The following CUL3 variants were observed in gnomAD, a reference collection of about 807,000 sequenced individuals.
The protein encoded by CUL3 is cullin 3.
A neutral mutation model predicts 89.1 loss-of-function variants in CUL3; 19 were observed. The observed-to-expected ratio is 0.21, with a 90% CI of 0.15 to 0.31. CUL3 has a LOEUF of 0.31. CUL3 is among the 10% of genes least tolerant of loss of function. The probability of loss-of-function intolerance (pLI) is 1.00; values close to 1 mark genes in which losing one functional copy is unlikely to be tolerated. For missense variants in CUL3, 469 were observed against 942.3 expected (o/e 0.50, Z 6.58); for synonymous variants, 351 against 308.4 (o/e 1.14, Z -1.45).
At chr2:224,479,868 C>G (rs1691468559) in intron 14 of CUL3, 1 of 152,178 alleles carries the variant, frequency 6.6e-6, no homozygotes. Flanking sequence ...ATCCCTTTGG[C>G]TCATCTGGAT....
intron 3 of CUL3, among the ~76,000 whole-genome samples, chr2:224,522,278 G>C (rs1693295913): frequency 6.6e-6 from 1 of 152,006 alleles, no homozygotes; most frequent in Non-Finnish European, 1.5e-5. Context: ...TAAATGAGCA[G>C]AAAAGTAGTA....
At chr2:224,569,956 CAAAA>C (rs71062948) in intron 1 of CUL3, 4 of 59,492 alleles carry the variant, frequency 6.7e-5, no homozygotes, top group Admixed American at 4.0e-4. Context: ...GCTCCAGTCT[CAAAA>C]AAAAAAAAAA....
intron 12 of CUL3, 66 bp from the exon 13 acceptor site, chr2:224,496,032 T>C (rs1347722561): frequency 3.4e-5 from 51 of 1,484,068 alleles, no homozygotes; most frequent in Admixed American, 7.0e-5. Context: ...AATGTATGTA[T>C]GTACGTACAT....
chr2:224,481,383 C>T (rs1052217993), intron 14 of CUL3, among the ~76,000 whole-genome samples: 5 of 145,578 alleles, frequency 3.4e-5, no homozygotes, highest in African/African-American at 1.0e-4. Flanking sequence ...TTTTCATTAT[C>T]GACTTATATG....
Position 224,503,745 on chromosome 2 carries a change from A to T in CUL3, c.1284T>A (p.Phe428Leu), listed in dbSNP as rs1339235783. ...LFRFMQEKDVFERYYKQHLAR... is the reference protein window; with the variant it reads ...LFRFMQEKDVLERYYKQHLAR... ...CCAAGTGTTGTTTATAATAACGTTC[A>T]AATACATCTTTTTCTTGCATAAACC... Residue 428 changes from phenylalanine (F) to leucine (L), a missense_variant, in exon 9 of 16, where the codon TTT becomes TTA. By Grantham distance (22) the Phe-to-Leu change is conservative. Coordinates refer to ENST00000264414, the MANE Select transcript of CUL3 (RefSeq NM_003590.5). The T allele has an allele frequency of 6.2e-7, 1 of 1,609,220 alleles. No individual in the cohort carries two copies. Among genetic ancestry groups the T allele is most frequent in the South Asian group, 1.1e-5 (1 of 89,630 alleles).
chr2:224,486,123 G>A (rs1438892998), intron 13 of CUL3, among the ~76,000 whole-genome samples: 1 of 152,200 alleles, frequency 6.6e-6, no homozygotes, highest in Non-Finnish European at 1.5e-5. Context: ...CAGCATCAAA[G>A]ATCAAAGGTA....
intron 1 of CUL3, among the ~76,000 whole-genome samples, chr2:224,561,058 C>T (rs1266188729): frequency 6.6e-6 from 1 of 152,130 alleles, no homozygotes; most frequent in Admixed American, 6.5e-5. Context: ...TTTAAATGCC[C>T]ACCTTATTTA....
intron 2 of CUL3, among the ~76,000 whole-genome samples, chr2:224,552,688 G>C (rs1208259898): frequency 1.3e-5 from 2 of 152,118 alleles, no homozygotes; most frequent in African/African-American, 4.8e-5. Flanking sequence ...CTCAATCCAT[G>C]TAAAAATTAT....
intron 3 of CUL3, among the ~76,000 whole-genome samples, chr2:224,519,103 G>GA (rs1221562526): frequency 2.0e-5 from 3 of 152,312 alleles, no homozygotes; most frequent in African/African-American, 7.2e-5. Flanking sequence ...TCCAAACTCT[G>GA]AAACTCTGAG....
intron 7 of CUL3, among the ~76,000 whole-genome samples, 176 bp from the exon 8 acceptor site, chr2:224,506,308 AAT>A (rs1318581733): frequency 6.6e-6 from 1 of 152,206 alleles, no homozygotes; most frequent in Non-Finnish European, 1.5e-5. Flanking sequence ...TAAAAATGTC[AAT>A]GAGAGAAGTA....
intron 2 of CUL3, among the ~76,000 whole-genome samples, chr2:224,546,382 T>C (rs1694299992): frequency 6.6e-6 from 1 of 152,096 alleles, no homozygotes; most frequent in Admixed American, 6.6e-5. Flanking sequence ...TATAGCCCGA[T>C]AATCACCTGT....
Position 224,487,086 on chromosome 2 carries a change from C to T in CUL3, c.1843-5008G>A, listed in dbSNP as rs150738478. Reference sequence around the variant, plus strand: ...AAATGCTGAGGGATTCTGTCACCACCAGGTCTGCCTTACAAGGGCTTCTGA... The same window carrying T: ...AAATGCTGAGGGATTCTGTCACCACTAGGTCTGCCTTACAAGGGCTTCTGA... On this transcript the variant is annotated intron_variant, in intron 13 of 15. Transcript: ENST00000264414. Among the ~76,000 whole-genome samples the T allele has an allele frequency of 1.8e-3, 280 of 152,252 alleles. 3 individuals are homozygous for T. The highest frequency in any genetic ancestry group is 6.5e-3 in the African/African-American group (269 of 41,540).
chr2:224,548,582 C>A (rs1337269915), intron 2 of CUL3, among the ~76,000 whole-genome samples: 1 of 152,002 alleles, frequency 6.6e-6, no homozygotes, highest in Non-Finnish European at 1.5e-5. Context: ...TTGATTATTA[C>A]TATGGAGTAT....
chr2:224,559,770 C>A (rs1209946728), intron 1 of CUL3, among the ~76,000 whole-genome samples: 2 of 152,166 alleles, frequency 1.3e-5, no homozygotes, highest in African/African-American at 4.8e-5. Context: ...TTTGAAAGAG[C>A]TGATCACTCC....
At chr2:224,580,910 T>TAGAG (rs1695420662) in intron 1 of CUL3, among the ~76,000 whole-genome samples, 1 of 151,646 alleles carries the variant, frequency 6.6e-6, no homozygotes, top group Admixed American at 6.6e-5. Flanking sequence ...ACAAGAGTCT[T>TAGAG]GCTCTAAGGC....
chr2:224,524,156 G>T (rs556923643), intron 3 of CUL3, among the ~76,000 whole-genome samples: 1 of 152,142 alleles, frequency 6.6e-6, no homozygotes, highest in Admixed American at 6.5e-5. Context: ...AGACTTGTAG[G>T]GCCAAGATTC....
chr2:224,576,617 G>A (rs754421333), intron 1 of CUL3, among the ~76,000 whole-genome samples: 3 of 141,966 alleles, frequency 2.1e-5, no homozygotes, highest in Non-Finnish European at 3.1e-5. Context: ...ATGCTGCATG[G>A]TTCAAAACGA....
At chr2:224,569,684 C>T (rs1359705475) in intron 1 of CUL3, 2 of 1,182,348 alleles carry the variant, frequency 1.7e-6, no homozygotes, top group African/African-American at 3.3e-5. Flanking sequence ...CTATTATATA[C>T]TTACACATCT....
At chr2:224,474,435 C>G in intron 15 of CUL3, 59 bp from the exon 16 acceptor site, 2 of 1,432,948 alleles carry the variant, frequency 1.4e-6, no homozygotes, top group Non-Finnish European at 1.9e-6. Flanking sequence ...TATCTTTGAA[C>G]AGAACTGATA....
Sources: allele counts gnomAD v4.1 joint callset (sites outside exome capture counted in the v4.1 genomes callset), GRCh38; gene constraint gnomAD v4.1.1; transcripts MANE v1.5; gene names NCBI Gene and HGNC (gene_info 2026-07-23, HGNC 2026-07-21).